PTPRT: variants seen among roughly 807,000 people sequenced by gnomAD.
PTPRT encodes the protein protein tyrosine phosphatase receptor type T, also known as receptor-type tyrosine-protein phosphatase T.
In PTPRT, 56 loss-of-function variants were observed where a neutral mutation model predicts 176.8. That is an observed-to-expected ratio of 0.32 (90% CI 0.26 to 0.40). The LOEUF (loss-of-function observed/expected upper bound fraction) is 0.40, where lower values mean the gene tolerates loss of function less well. Among genes scored for constraint, PTPRT ranks in the 10% least tolerant of loss-of-function variants. The pLI, the probability that PTPRT is intolerant of heterozygous loss-of-function variation, is 1.00. For synonymous variants in PTPRT, 783 were observed against 739.0 expected, an observed-to-expected ratio of 1.06 and a Z score of -0.96; for missense variants, 1,540 against 1,908.2, an observed-to-expected ratio of 0.81 and a Z score of 3.60.
intron 29 of PTPRT, 51 bp downstream of exon 29, chr20:42,084,631 G>A: frequency 7.4e-7 from 1 of 1,342,302 alleles, no homozygotes; most frequent in Non-Finnish European, 9.7e-7. Context: ...CTGCAAGGAT[G>A]CTCTATCACC....
chr20:42,136,206 G>A (rs988824965), intron 18 of PTPRT, among the ~76,000 whole-genome samples: 4 of 145,388 alleles, frequency 2.8e-5, no homozygotes, highest in Non-Finnish European at 4.5e-5. Context: ...CTGTCTTCTG[G>A]GCACTACAGA....
chr20:43,061,208 T>C (rs1258400129), intron 1 of PTPRT, among the ~76,000 whole-genome samples: 2 of 152,138 alleles, frequency 1.3e-5, no homozygotes, highest in Non-Finnish European at 2.9e-5. Context: ...AATTAATTCC[T>C]CTTAACTCCT....
In PTPRT at chr20:42,698,458, G is replaced by A. The variant is rs1005826499; in HGVS notation, c.860-20299C>T. Among the ~76,000 whole-genome samples the A allele has an allele frequency of 1.3e-5, 2 of 152,096 alleles. 1 individual carries two copies. Among genetic ancestry groups the A allele is most frequent in the South Asian group, 4.1e-4 (2 of 4,822 alleles). On this transcript the variant is annotated intron_variant, in intron 6 of 30. Coordinates refer to ENST00000373187, the MANE Select transcript of PTPRT (RefSeq NM_007050.6). ...AAGTCCATTTCCAACTAAGGTCCAA[G>A]TACTGCTTTTACTAAAAGTCCTTTG...
intron 1 of PTPRT, among the ~76,000 whole-genome samples, chr20:43,136,058 T>C (rs2013822240): frequency 6.6e-6 from 1 of 152,246 alleles, no homozygotes; most frequent in Non-Finnish European, 1.5e-5. Context: ...TCTGGGCAAC[T>C]GGAGTTTTGC....
In PTPRT at chr20:42,494,754, G is replaced by A. The variant is rs554770296; in HGVS notation, c.1154-22192C>T. On this transcript the variant is annotated intron_variant, in intron 7 of 30. Coordinates refer to ENST00000373187, the MANE Select transcript of PTPRT (RefSeq NM_007050.6). ...CCATTTCCTGGTACCTAGAATCATA[G>A]CTGGCATATAATAAGTAGTCAAATA... is the stretch of plus-strand genomic sequence containing the variant. 6.7e-5 allele frequency among the ~76,000 whole-genome samples: 10 copies of A among 148,710 alleles called. No individual in the cohort carries two copies. The South Asian group carries it at 2.1e-3, about 31-fold the overall frequency.
chr20:42,773,036 C>A (rs2077085785), intron 4 of PTPRT, among the ~76,000 whole-genome samples: 1 of 152,190 alleles, frequency 6.6e-6, no homozygotes, highest in South Asian at 2.1e-4. Context: ...ATGTAACAAG[C>A]AGCTATGCTC....
chr20:42,704,235 A>G (rs1038966781), intron 6 of PTPRT, among the ~76,000 whole-genome samples: 1 of 152,050 alleles, frequency 6.6e-6, no homozygotes, highest in African/African-American at 2.4e-5. Flanking sequence ...CTAACAGCTC[A>G]ATCTAGAAAA....
intron 19 of PTPRT, among the ~76,000 whole-genome samples, chr20:42,120,714 C>CATA (rs550718159): frequency 3.2e-4 from 48 of 152,284 alleles, no homozygotes; most frequent in African/African-American, 1.1e-3. Flanking sequence ...CTGGACATGG[C>CATA]ATACATGGAG....
At chr20:42,483,494 C>T (rs1170943874) in intron 7 of PTPRT, among the ~76,000 whole-genome samples, 1 of 152,170 alleles carries the variant, frequency 6.6e-6, no homozygotes, top group Non-Finnish European at 1.5e-5. Flanking sequence ...TTCCTTTAAA[C>T]ATTAGTTCTT....
At chr20:42,934,419 T>C (rs993099801) in intron 1 of PTPRT, among the ~76,000 whole-genome samples, 4 of 152,194 alleles carry the variant, frequency 2.6e-5, no homozygotes, top group African/African-American at 9.6e-5. Context: ...TAAAACAGTA[T>C]ACATTTATTA....
chr20:42,072,056 C>T (rs191814138), downstream of PTPRT, among the ~76,000 whole-genome samples: 15 of 152,250 alleles, frequency 9.9e-5, no homozygotes, highest in Admixed American at 9.8e-4. Flanking sequence ...TAGCTCTGTC[C>T]AAGGGGATGT....
intron 1 of PTPRT, among the ~76,000 whole-genome samples, chr20:42,903,495 T>G (rs1260451332): frequency 6.6e-6 from 1 of 152,248 alleles, no homozygotes; most frequent in Non-Finnish European, 1.5e-5. Context: ...TTAAACTCGA[T>G]AATAGCATCC....
At chr20:42,179,069 G>A (rs1213645685) in intron 16 of PTPRT, among the ~76,000 whole-genome samples, 1 of 152,196 alleles carries the variant, frequency 6.6e-6, no homozygotes, top group Non-Finnish European at 1.5e-5. Context: ...ATGTGGCATA[G>A]GAGGCAGGGA....
At chr20:42,365,397 C>T (rs751079984) in intron 9 of PTPRT, among the ~76,000 whole-genome samples, 1 of 152,038 alleles carries the variant, frequency 6.6e-6, no homozygotes, top group African/African-American at 2.4e-5. Context: ...TGTATATGGA[C>T]GCTATGCATA....
At chr20:42,132,478 G>C (rs1261770131) in intron 18 of PTPRT, among the ~76,000 whole-genome samples, 1 of 152,140 alleles carries the variant, frequency 6.6e-6, no homozygotes, top group East Asian at 1.9e-4. Context: ...AACTCAGTAA[G>C]AAAGCAAATG....
chr20:42,591,672 G>A (rs892354882), intron 7 of PTPRT, among the ~76,000 whole-genome samples: 2 of 152,146 alleles, frequency 1.3e-5, no homozygotes, highest in Non-Finnish European at 2.9e-5. Context: ...GCCAGGCAAG[G>A]CCACAGAGGC....
At chr20:42,239,212 T>C (rs995345023) in intron 14 of PTPRT, among the ~76,000 whole-genome samples, 1 of 152,090 alleles carries the variant, frequency 6.6e-6, no homozygotes, top group Non-Finnish European at 1.5e-5. Flanking sequence ...ATTCAGCACT[T>C]ACTGTGTGCC....
At chr20:42,430,979 A>C (rs1465361128) in intron 9 of PTPRT, among the ~76,000 whole-genome samples, 1 of 152,234 alleles carries the variant, frequency 6.6e-6, no homozygotes, top group African/African-American at 2.4e-5. Context: ...AGCAAGAGTT[A>C]CAAAAGTATT....
intron 8 of PTPRT, among the ~76,000 whole-genome samples, chr20:42,462,400 A>G (rs2071035945): frequency 6.6e-6 from 1 of 152,194 alleles, no homozygotes; most frequent in Non-Finnish European, 1.5e-5. Flanking sequence ...GACCTAGCAC[A>G]GGCAGGAAAT....
Sources: gnomAD v4.1 joint callset for allele counts (sites outside exome capture counted in the v4.1 genomes callset) on GRCh38, gnomAD v4.1.1 for gene constraint, MANE v1.5 for transcripts, NCBI Gene and HGNC (gene_info 2026-07-23, HGNC 2026-07-21) for gene names.